Variants in TRHDE observed in about 807,000 individuals in gnomAD.
The protein encoded by TRHDE is thyrotropin releasing hormone degrading enzyme, also known as thyrotropin-releasing hormone-degrading ectoenzyme.
A neutral mutation model predicts 125.7 loss-of-function variants in TRHDE; 72 were observed. That is an observed-to-expected ratio of 0.57 (90% confidence interval 0.47 to 0.70). The LOEUF (loss-of-function observed/expected upper bound fraction) is 0.70, where lower values mean the gene tolerates loss of function less well. TRHDE is among the 30% of genes least tolerant of loss of function. The pLI, the probability that TRHDE is intolerant of heterozygous loss-of-function variation, is 0.00. For synonymous variants in TRHDE, 509 were observed against 509.1 expected (o/e 1.00, Z 0.00); for missense variants, 1,110 against 1,327.1 (o/e 0.84, Z 2.54).
intron 2 of TRHDE, among the ~76,000 whole-genome samples, chr12:72,138,108 GGCTCAT>G (rs1261329923): frequency 6.6e-6 from 1 of 152,180 alleles, no homozygotes; most frequent in African/African-American, 2.4e-5. Context: ...CAGGAGTGGT[GGCTCAT>G]GCTTGTAATC....
At chr12:72,512,551 TA>T (rs1457503768) in intron 6 of TRHDE, among the ~76,000 whole-genome samples, 14 of 139,410 alleles carry the variant, frequency 1.0e-4, no homozygotes, top group South Asian at 4.3e-4. Flanking sequence ...TATTCATATA[TA>T]ATCATATATA....
At chr12:72,633,261 A>T (rs189718494) in intron 15 of TRHDE, among the ~76,000 whole-genome samples, 286 of 152,156 alleles carry the variant, frequency 1.9e-3, no homozygotes, top group African/African-American at 6.4e-3. Flanking sequence ...CCCACCAGCA[A>T]GTCTCTTTCT....
At chr12:72,147,885 T>C (rs914577431) in intron 2 of TRHDE, 1 of 152,270 alleles carries the variant, frequency 6.6e-6, no homozygotes, top group Non-Finnish European at 1.5e-5. Context: ...TTCCAAGGTA[T>C]GCGCTCAGCA....
At chr12:72,479,361 A>T (rs1192523408) in intron 5 of TRHDE, among the ~76,000 whole-genome samples, 1 of 152,120 alleles carries the variant, frequency 6.6e-6, no homozygotes, top group African/African-American at 2.4e-5. Context: ...TGTTATAAAG[A>T]TGTGTTAAGT....
At chr12:72,643,351 A>G (rs1213089631) in intron 15 of TRHDE, among the ~76,000 whole-genome samples, 1 of 152,192 alleles carries the variant, frequency 6.6e-6, no homozygotes, top group Non-Finnish European at 1.5e-5. Flanking sequence ...TAGTAATGAC[A>G]TTTCATCAAA....
intron 12 of TRHDE, among the ~76,000 whole-genome samples, chr12:72,584,461 A>G (rs1403539758): frequency 1.3e-5 from 2 of 152,186 alleles, no homozygotes; most frequent in African/African-American, 4.8e-5. Context: ...GTCATTAACT[A>G]TAGTCATCAA....
chr12:72,237,710 C>A (rs1014720597), intron 2 of TRHDE, among the ~76,000 whole-genome samples: 7 of 152,164 alleles, frequency 4.6e-5, no homozygotes, highest in African/African-American at 1.4e-4. Flanking sequence ...TGCAAGTTTC[C>A]TGAGGCCTCC....
intron 2 of TRHDE, among the ~76,000 whole-genome samples, chr12:72,155,259 A>C (rs996960036): frequency 4.5e-5 from 6 of 134,244 alleles, no homozygotes; most frequent in African/African-American, 1.7e-4. Context: ...TCCTTTAAGG[A>C]CCTCTCTGCA....
intron 2 of TRHDE, among the ~76,000 whole-genome samples, chr12:72,324,778 A>C (rs2135713755): frequency 6.6e-6 from 1 of 152,206 alleles, no homozygotes; most frequent in East Asian, 1.9e-4. Context: ...GCAGACCTTC[A>C]TTTTCATCCC....
At chr12:72,148,501 A>G (rs1263691563) in intron 2 of TRHDE, among the ~76,000 whole-genome samples, 2 of 152,216 alleles carry the variant, frequency 1.3e-5, no homozygotes, top group Non-Finnish European at 2.9e-5. Context: ...GCAACACTTG[A>G]TGGAAATTAA....
rs890947252 is a variant in TRHDE, at chr12:72,619,114, A to G, written c.2469+76A>G. On this transcript the variant is annotated intron_variant, in intron 13 of 18. Transcript: ENST00000261180. ...TTCTCTTTCTACTATTATATATGCA[A>G]CTGATGCCAAGTTATTTTAGTTTGT... 1.3e-5 allele frequency: 15 copies of G among 1,121,140 alleles called. 1 individual carries two copies. Among genetic ancestry groups the G allele is most frequent in the African/African-American group, 1.3e-4 (8 of 61,118 alleles). The allele number at this position is 1,121,140 out of a possible 1,614,324, so 69.4% of individuals were successfully genotyped here.
At chr12:72,297,048 T>A (rs1270689222) in intron 2 of TRHDE, among the ~76,000 whole-genome samples, 1 of 152,094 alleles carries the variant, frequency 6.6e-6, no homozygotes, top group Non-Finnish European at 1.5e-5. Flanking sequence ...ATAGCAACAC[T>A]CTTTTGTGCC....
At chr12:72,584,017 G>GC (rs1412554704) in intron 12 of TRHDE, among the ~76,000 whole-genome samples, 1 of 83,592 alleles carries the variant, frequency 1.2e-5, no homozygotes, top group Admixed American at 1.4e-4. Flanking sequence ...TGCAGGCTCC[G>GC]CCCCCTGGGG....
At chr12:72,646,321 C>T (rs1448541589) in intron 15 of TRHDE, among the ~76,000 whole-genome samples, 3 of 151,478 alleles carry the variant, frequency 2.0e-5, no homozygotes, top group East Asian at 1.9e-4. Context: ...AAGGTAAGCA[C>T]ACTAATAAAG....
chr12:72,606,756 C>A (rs991144008), intron 12 of TRHDE, among the ~76,000 whole-genome samples: 11 of 152,040 alleles, frequency 7.2e-5, no homozygotes, highest in Non-Finnish European at 1.6e-4. Context: ...TGTAATGAAA[C>A]TGCTGTATCA....
chr12:72,471,194 T>G (rs927347223), intron 4 of TRHDE, among the ~76,000 whole-genome samples: 1 of 152,066 alleles, frequency 6.6e-6, no homozygotes, highest in African/African-American at 2.4e-5. Flanking sequence ...TGTCAGTTTT[T>G]TGCACTGAAC....
At chr12:72,128,294 CTG>C (rs960681390) in intron 2 of TRHDE, among the ~76,000 whole-genome samples, 14 of 152,262 alleles carry the variant, frequency 9.2e-5, no homozygotes, top group African/African-American at 3.4e-4. Flanking sequence ...AACTGATAAA[CTG>C]TATTCCAGAT....
intron 2 of TRHDE, among the ~76,000 whole-genome samples, chr12:72,348,656 G>T (rs1414294202): frequency 6.6e-6 from 1 of 151,946 alleles, no homozygotes; most frequent in African/African-American, 2.4e-5. Context: ...AGCTTGGAAT[G>T]CTTCATATCA....
rs760603222 is a variant in TRHDE at position 72,562,160 on chromosome 12, T to G, written c.1789-5T>G. ...AATTACAATTACAATTTTATATTCT[T>G]GTAGGATTATTTAACCATTCATAAG... On this transcript the variant is annotated splice_polypyrimidine_tract_variant and splice_region_variant and intron_variant, in intron 7 of 18. Coordinates refer to ENST00000261180, the MANE Select transcript of TRHDE (RefSeq NM_013381.3). 7.1e-7 allele frequency: 1 copy of G among 1,414,414 alleles called. No homozygotes were observed. The highest frequency in any genetic ancestry group is 1.7e-5 in the Admixed American group (1 of 57,352). 87.6% of individuals were successfully genotyped at this position (1,414,414 alleles called of 1,614,324 possible).
Sources: gnomAD v4.1 joint callset for allele counts (sites outside exome capture counted in the v4.1 genomes callset) on GRCh38, gnomAD v4.1.1 for gene constraint, MANE v1.5 for transcripts, NCBI Gene and HGNC (gene_info 2026-07-23, HGNC 2026-07-21) for gene names.